The following STIM1 variants were observed in gnomAD, a reference collection of about 807,000 sequenced individuals.
The protein encoded by STIM1 is stromal interaction molecule 1.
Under a neutral mutation model 74.7 loss-of-function variants are expected in STIM1, and 25 were observed. That is an observed-to-expected ratio of 0.33 (90% CI 0.24 to 0.47). STIM1 has a LOEUF of 0.47. Ranked by LOEUF, STIM1 falls within the 20% of genes least tolerant of loss-of-function variation. The pLI is 1.00. For missense variants in STIM1, 728 were observed against 920.8 expected, an observed-to-expected ratio of 0.79 and a Z score of 2.71; for synonymous variants, 328 against 348.8, an observed-to-expected ratio of 0.94 and a Z score of 0.66.
At chr11:3,966,044 A>C (rs1157533930) in intron 1 of STIM1, among the ~76,000 whole-genome samples, 2 of 152,060 alleles carry the variant, frequency 1.3e-5, no homozygotes, top group African/African-American at 4.8e-5. Flanking sequence ...AACCAAAAAA[A>C]ACCCCATTTC....
chr11:3,913,897 GAAT>G, intron 1 of STIM1, among the ~76,000 whole-genome samples: 1 of 152,220 alleles, frequency 6.6e-6, no homozygotes, highest in African/African-American at 2.4e-5. Flanking sequence ...TGGCTTCTTA[GAAT>G]AATATTTTGG....
rs143357337 is a variant in STIM1, at chr11:3,931,778, G to A, written c.140-35774G>A. 3.1e-3 allele frequency among the ~76,000 whole-genome samples: 477 copies of A among 152,248 alleles called. 4 individuals carry two copies. The highest frequency in any genetic ancestry group is 3.5e-3 in the Non-Finnish European group (237 of 68,008). ...CATTCCCTTAGAATGACACTGTATG[G>A]CAGACACACCTGAATGCATGTTCCA... On this transcript the variant is annotated intron_variant, in intron 1 of 12. Transcript: ENST00000526596.
chr11:3,861,310 T>C (rs2090596289), intron 1 of STIM1, among the ~76,000 whole-genome samples: 1 of 151,548 alleles, frequency 6.6e-6, no homozygotes, highest in Non-Finnish European at 1.5e-5. Context: ...CTCAGCTCAC[T>C]GCAAGCTCCA....
intron 2 of STIM1, among the ~76,000 whole-genome samples, chr11:4,013,173 G>T (rs958592307): frequency 6.6e-6 from 1 of 152,190 alleles, no homozygotes; most frequent in Admixed American, 6.5e-5. Flanking sequence ...GGGGACACTG[G>T]CCTAAAATTC....
chr11:3,887,869 G>A (rs1269680984), intron 1 of STIM1, among the ~76,000 whole-genome samples: 4 of 151,516 alleles, frequency 2.6e-5, no homozygotes, highest in African/African-American at 7.3e-5. Flanking sequence ...TTGAGAGGCT[G>A]AGGCAGGAGA....
At chr11:3,993,708 A>G (rs2093635818) in intron 2 of STIM1, among the ~76,000 whole-genome samples, 1 of 152,158 alleles carries the variant, frequency 6.6e-6, no homozygotes, top group South Asian at 2.1e-4. Context: ...GTCATTTGTC[A>G]TACTTCATGT....
At chr11:3,877,736 T>G (rs2091353936) in intron 1 of STIM1, among the ~76,000 whole-genome samples, 1 of 152,196 alleles carries the variant, frequency 6.6e-6, no homozygotes, top group African/African-American at 2.4e-5. Flanking sequence ...CCCAGAACTG[T>G]TGGGAGTTGC....
intron 1 of STIM1, among the ~76,000 whole-genome samples, chr11:3,937,810 C>T (rs1314757983): frequency 2.0e-5 from 3 of 152,216 alleles, no homozygotes; most frequent in African/African-American, 7.2e-5. Flanking sequence ...GCTCCAGAAC[C>T]TTCTCTCATG....
At chr11:3,882,810 G>T (rs568520157) in intron 1 of STIM1, among the ~76,000 whole-genome samples, 56 of 152,200 alleles carry the variant, frequency 3.7e-4, no homozygotes, top group African/African-American at 1.1e-3. Flanking sequence ...CTTCACCAAA[G>T]TTTGTTATTT....
chr11:4,086,173 C>G (rs2094492036), intron 11 of STIM1: 1 of 459,204 alleles, frequency 2.2e-6, no homozygotes, highest in Non-Finnish European at 4.0e-6. Flanking sequence ...TCCCAAGCCC[C>G]TATCCTACCC....
chr11:3,932,197 A>G (rs950152243), intron 1 of STIM1, among the ~76,000 whole-genome samples: 1 of 152,130 alleles, frequency 6.6e-6, no homozygotes, highest in African/African-American at 2.4e-5. Flanking sequence ...GTAAGCCCCT[A>G]ATAAAACCCT....
intron 1 of STIM1, among the ~76,000 whole-genome samples, chr11:3,932,226 C>G (rs1163396868): frequency 6.6e-6 from 1 of 152,210 alleles, no homozygotes; most frequent in Non-Finnish European, 1.5e-5. Flanking sequence ...TTTGCTGGCT[C>G]TAGGTCTCTT....
chr11:4,046,457 G>T (rs2094194567), intron 3 of STIM1, among the ~76,000 whole-genome samples: 1 of 151,902 alleles, frequency 6.6e-6, no homozygotes, highest in Non-Finnish European at 1.5e-5. Flanking sequence ...CACCTCCCAT[G>T]CCTCTGCAAA....
At chr11:3,955,356 G>C (rs1443593371) in intron 1 of STIM1, among the ~76,000 whole-genome samples, 1 of 152,008 alleles carries the variant, frequency 6.6e-6, no homozygotes, top group Non-Finnish European at 1.5e-5. Context: ...AAAAATGAGG[G>C]CATTTTATTA....
chr11:3,913,975 A>G (rs11821373), intron 1 of STIM1, among the ~76,000 whole-genome samples: 8,673 of 152,160 alleles, frequency 0.057, 744 homozygotes, highest in African/African-American at 0.19. Flanking sequence ...GTGGTAAAAT[A>G]TATATAACCA....
intron 2 of STIM1, among the ~76,000 whole-genome samples, chr11:3,992,151 A>G (rs1440724392): frequency 1.6e-5 from 2 of 125,452 alleles, no homozygotes; most frequent in Non-Finnish European, 1.6e-5. Flanking sequence ...ATGGTGGCTC[A>G]TGCCTGTAAT....
chr11:4,044,007 C>T (rs187303275), intron 3 of STIM1, among the ~76,000 whole-genome samples: 243 of 151,678 alleles, frequency 1.6e-3, no homozygotes, highest in African/African-American at 5.5e-3. Context: ...TAGTAGACTC[C>T]GCCTCAAAAA....
intron 5 of STIM1, 29 bp downstream of exon 5, chr11:4,059,425 C>T (rs1369050331): frequency 6.3e-7 from 1 of 1,596,474 alleles, no homozygotes; most frequent in East Asian, 2.2e-5. Context: ...AGGGCTACTG[C>T]TGTGCCATGG....
chr11:3,931,682 T>A (rs2092862105), intron 1 of STIM1, among the ~76,000 whole-genome samples: 1 of 152,152 alleles, frequency 6.6e-6, no homozygotes, highest in African/African-American at 2.4e-5. Flanking sequence ...ATTTCATACA[T>A]TAAAATCCTA....
Sources: allele counts gnomAD v4.1 joint callset (sites outside exome capture counted in the v4.1 genomes callset), GRCh38; gene constraint gnomAD v4.1.1; transcripts MANE v1.5; gene names NCBI Gene and HGNC (gene_info 2026-07-23, HGNC 2026-07-21).